The following FRMPD1 variants were observed in gnomAD, a reference collection of about 807,000 sequenced individuals.
The protein encoded by FRMPD1 is FERM and PDZ domain-containing protein 1.
Under a neutral mutation model 117.8 loss-of-function variants are expected in FRMPD1, and 76 were observed. The ratio of observed to expected loss-of-function variants is 0.65; its 90% CI spans 0.54 to 0.78. The LOEUF is 0.78. Among genes scored for constraint, FRMPD1 ranks in the 30% least tolerant of loss-of-function variants. The pLI, the probability that FRMPD1 is intolerant of heterozygous loss-of-function variation, is 0.00. For missense variants in FRMPD1, 1,786 were observed against 1,964.5 expected (o/e 0.91, Z 1.72); for synonymous variants, 783 against 770.4 (o/e 1.02, Z -0.27).
chr9:37,648,143 T>A (rs1354264964), upstream of FRMPD1, among the ~76,000 whole-genome samples: 2 of 138,154 alleles, frequency 1.4e-5, no homozygotes, highest in Admixed American at 7.4e-5. Flanking sequence ...GTAGGTATTC[T>A]TATTATGCTC....
At chr9:37,637,346 C>T in the FRMPD1 span, 3 of 860,338 alleles carry the variant, frequency 3.5e-6, no homozygotes, top group East Asian at 2.4e-5. Flanking sequence ...CTCCGCCTCC[C>T]GTTCCAAGAT....
intron 15 of FRMPD1, among the ~76,000 whole-genome samples, chr9:37,743,520 CTT>C (rs531949141): frequency 2.7e-4 from 11 of 40,928 alleles, no homozygotes; most frequent in South Asian, 1.4e-3. Context: ...AATGGCTCTG[CTT>C]TTTTTTTTTT....
At chr9:37,722,432 AGTTT>A (rs1823438673) in intron 6 of FRMPD1, among the ~76,000 whole-genome samples, 2 of 152,102 alleles carry the variant, frequency 1.3e-5, no homozygotes, top group Admixed American at 1.3e-4. Context: ...TTTAAGATGG[AGTTT>A]TGCTCCTGTC....
At chr9:37,743,928 G>A (rs529516353) in intron 15 of FRMPD1, among the ~76,000 whole-genome samples, 6 of 150,820 alleles carry the variant, frequency 4.0e-5, no homozygotes, top group South Asian at 2.1e-4. Flanking sequence ...GGCCAGGCGC[G>A]GTGGCTCATG....
intron 1 of FRMPD1, among the ~76,000 whole-genome samples, chr9:37,661,130 G>T (rs1242305222): frequency 6.6e-6 from 1 of 152,204 alleles, no homozygotes; most frequent in Non-Finnish European, 1.5e-5. Context: ...CTAATGTCCA[G>T]CCCCTGGAAC....
At chr9:37,660,134 GA>G (rs1820958971) in intron 1 of FRMPD1, among the ~76,000 whole-genome samples, 1 of 151,854 alleles carries the variant, frequency 6.6e-6, no homozygotes, top group Non-Finnish European at 1.5e-5. Flanking sequence ...GCTTTGCTAA[GA>G]AAGGCCTGTG....
chr9:37,708,347 G>C (rs1822788219), intron 3 of FRMPD1, 52 bp from the exon 4 acceptor site: 6 of 1,094,384 alleles, frequency 5.5e-6, no homozygotes, highest in Non-Finnish European at 8.4e-6. Context: ...ATTACACATA[G>C]AGTCTGGGTC....
At chr9:37,624,736 G>T in the FRMPD1 span, among the ~76,000 whole-genome samples, 9 of 152,298 alleles carry the variant, frequency 5.9e-5, no homozygotes, top group African/African-American at 2.2e-4. Context: ...TCACTGAAAA[G>T]ATGTGAGGGA....
chr9:37,684,858 A>C (rs1232911166), intron 1 of FRMPD1, among the ~76,000 whole-genome samples: 1 of 152,054 alleles, frequency 6.6e-6, no homozygotes, highest in Non-Finnish European at 1.5e-5. Flanking sequence ...GGCTCAGGTG[A>C]TCCTCCTACC....
At chr9:37,679,830 A>G (rs945344536) in intron 1 of FRMPD1, among the ~76,000 whole-genome samples, 2 of 152,198 alleles carry the variant, frequency 1.3e-5, no homozygotes, top group African/African-American at 2.4e-5. Flanking sequence ...GGGTGGAGAC[A>G]AGGGGTTCAG....
the FRMPD1 span, among the ~76,000 whole-genome samples, chr9:37,633,754 G>T: frequency 6.6e-6 from 1 of 152,190 alleles, no homozygotes; most frequent in South Asian, 2.1e-4. Flanking sequence ...CCAGCTGCTT[G>T]GGAGGCTGAG....
chr9:37,621,628 C>T, the FRMPD1 span, among the ~76,000 whole-genome samples: 6 of 152,188 alleles, frequency 3.9e-5, no homozygotes, highest in Non-Finnish European at 7.3e-5. Flanking sequence ...GCAGGGCTGG[C>T]TAATGCTTTG....
chr9:37,653,691 C>T (rs1450416345), intron 1 of FRMPD1, among the ~76,000 whole-genome samples: 4 of 152,102 alleles, frequency 2.6e-5, no homozygotes, highest in African/African-American at 7.2e-5. Flanking sequence ...CAGCTTTGTC[C>T]ATATAGCTGG....
intron 12 of FRMPD1, 152 bp from the exon 13 acceptor site, chr9:37,735,400 G>T: frequency 1.6e-6 from 1 of 621,550 alleles, no homozygotes; most frequent in East Asian, 2.6e-5. Flanking sequence ...AGCTGTTGAT[G>T]GGGTCCAAGT....
chr9:37,650,533 C>T (rs938215965), upstream of FRMPD1, among the ~76,000 whole-genome samples: 2 of 152,212 alleles, frequency 1.3e-5, no homozygotes, highest in African/African-American at 4.8e-5. Flanking sequence ...GGCGAGTCCC[C>T]CAGGGCTCCC....
rs527693452 is a variant in FRMPD1 at position 37,679,753 on chromosome 9, T to G, written c.-4-12885T>G. On this transcript the variant is annotated intron_variant, in intron 1 of 15. Transcript: ENST00000377765. ...ATGTGACTTGGGTCACATGTCCAGT[T>G]GGGAGCAGAGCAGGAACCTGATTGC... Among the ~76,000 whole-genome samples, 7 of 152,334 alleles carry G rather than the reference T, an allele frequency of 4.6e-5. No homozygotes were observed. In the South Asian group the frequency reaches 1.4e-3, roughly 32 times the overall value.
At chr9:37,711,818 G>A (rs1361451309) in intron 5 of FRMPD1, among the ~76,000 whole-genome samples, 1 of 152,188 alleles carries the variant, frequency 6.6e-6, no homozygotes, top group Non-Finnish European at 1.5e-5. Flanking sequence ...TGTTGGATAT[G>A]AAAGTATTTT....
chr9:37,691,796 C>T (rs748411190), intron 1 of FRMPD1, among the ~76,000 whole-genome samples: 1 of 152,190 alleles, frequency 6.6e-6, no homozygotes, highest in South Asian at 2.1e-4. Context: ...CCCAGCTACT[C>T]GGGAGGCTGA....
chr9:37,730,371 G>C (rs1206390652), intron 8 of FRMPD1, among the ~76,000 whole-genome samples: 1 of 152,196 alleles, frequency 6.6e-6, no homozygotes, highest in Non-Finnish European at 1.5e-5. Flanking sequence ...ACACAGGTTA[G>C]TTCAACAAAT....
Sources: allele counts gnomAD v4.1 joint callset (sites outside exome capture counted in the v4.1 genomes callset), GRCh38; gene constraint gnomAD v4.1.1; transcripts MANE v1.5; gene names NCBI Gene and HGNC (gene_info 2026-07-23, HGNC 2026-07-21).